The following PRKCB variants were observed in gnomAD, a reference collection of about 807,000 sequenced individuals.
The protein encoded by PRKCB is protein kinase C beta, also known as protein kinase C beta type.
In PRKCB, 13 loss-of-function variants were observed where a neutral mutation model predicts 81.5. That is an observed-to-expected ratio of 0.16 (90% CI 0.10 to 0.25). PRKCB has a LOEUF of 0.25. Ranked by LOEUF, PRKCB falls within the 10% of genes least tolerant of loss-of-function variation. PRKCB has a pLI of 1.00. For missense variants in PRKCB, 509 were observed against 875.7 expected (o/e 0.58, Z 5.29); for synonymous variants, 335 against 321.4 (o/e 1.04, Z -0.45).
At chr16:23,956,613 G>T (rs1964352470) in intron 2 of PRKCB, among the ~76,000 whole-genome samples, 1 of 152,156 alleles carries the variant, frequency 6.6e-6, no homozygotes, top group African/African-American at 2.4e-5. Flanking sequence ...AGTTGTAATA[G>T]ATATTGCTAA....
At chr16:23,965,053 C>T (rs962840633) in intron 2 of PRKCB, among the ~76,000 whole-genome samples, 6 of 152,164 alleles carry the variant, frequency 3.9e-5, no homozygotes, top group Non-Finnish European at 8.8e-5. Flanking sequence ...AGGTTTGTTA[C>T]ATGGGTAAAT....
In PRKCB at chr16:24,074,008, G is replaced by A. The variant is rs151065995; in HGVS notation, c.530-18783G>A. 4.6e-3 allele frequency among the ~76,000 whole-genome samples: 705 copies of A among 152,186 alleles called. 4 individuals are homozygous for A. The highest frequency in any genetic ancestry group is 0.016 in the African/African-American group (678 of 41,508). On this transcript the variant is annotated intron_variant, in intron 5 of 16. Coordinates refer to ENST00000643927, the MANE Select transcript of PRKCB (RefSeq NM_002738.7). ...TAGCCGGGCGTGGTTGGTGGCGGGCGCCTGTAGTACCAGCTGCTGGGGAGG... is the reference window on the plus strand; with the variant it reads ...TAGCCGGGCGTGGTTGGTGGCGGGCACCTGTAGTACCAGCTGCTGGGGAGG...
intron 5 of PRKCB, among the ~76,000 whole-genome samples, chr16:24,078,526 T>C (rs114930770): frequency 0.011 from 1,670 of 152,256 alleles, 24 homozygotes; most frequent in African/African-American, 0.038. Context: ...CAGATGTTTA[T>C]GGGGGGCAGG....
At chr16:23,996,815 G>A (rs1170385052) in intron 3 of PRKCB, among the ~76,000 whole-genome samples, 1 of 152,148 alleles carries the variant, frequency 6.6e-6, no homozygotes, top group Non-Finnish European at 1.5e-5. Context: ...ATGGCCTTTT[G>A]AAGAGTCAGT....
intron 3 of PRKCB, among the ~76,000 whole-genome samples, chr16:24,002,473 C>G (rs749519405): frequency 6.6e-6 from 1 of 151,632 alleles, no homozygotes; most frequent in Non-Finnish European, 1.5e-5. Context: ...CTGAGTAGCT[C>G]GGATTATAGG....
chr16:24,151,411 A>G (rs1321573162), intron 9 of PRKCB, among the ~76,000 whole-genome samples: 2 of 152,266 alleles, frequency 1.3e-5, no homozygotes, highest in African/African-American at 2.4e-5. Context: ...TTAAGTTGAA[A>G]TGTGACTAGA....
rs377143661 is a variant in PRKCB at position 24,032,186 on chromosome 16, G to A, written c.339G>A (p.Thr113=). The A allele has an allele frequency of 1.5e-5, 24 of 1,613,898 alleles. No homozygotes were observed. Among genetic ancestry groups the A allele is most frequent in the South Asian group, 5.5e-5 (5 of 91,048 alleles). The change falls in exon 4 of 17, where the codon ACG becomes ACA. Residue 113 remains threonine, a synonymous_variant. Coordinates refer to ENST00000643927, the MANE Select transcript of PRKCB (RefSeq NM_002738.7). ...AGATCCACACGTACTCCAGCCCCAC[G>A]TTTTGTGACCACTGTGGGTCACTGC... ...KFKIHTYSSP[T]FCDHCGSLLY... is the part of the protein sequence containing the mutation.
intron 2 of PRKCB, among the ~76,000 whole-genome samples, chr16:23,933,671 T>TCCAA (rs1442211937): frequency 6.8e-6 from 1 of 147,452 alleles, no homozygotes; most frequent in East Asian, 2.1e-4. Flanking sequence ...CATCCATCCA[T>TCCAA]CCATCATCTT....
chr16:24,036,203 GGA>G (rs1491501907), intron 5 of PRKCB, among the ~76,000 whole-genome samples: 2 of 149,328 alleles, frequency 1.3e-5, no homozygotes, highest in Non-Finnish European at 3.0e-5. Flanking sequence ...AGTGAGAGGA[GGA>G]GCTGCTGGTG....
At chr16:23,999,064 G>C (rs1160510960) in intron 3 of PRKCB, among the ~76,000 whole-genome samples, 1 of 152,242 alleles carries the variant, frequency 6.6e-6, no homozygotes, top group Non-Finnish European at 1.5e-5. Context: ...CCAGACACCT[G>C]AACTGGCTTG....
intron 2 of PRKCB, among the ~76,000 whole-genome samples, chr16:23,952,663 A>G (rs2141780510): frequency 6.6e-6 from 1 of 152,302 alleles, no homozygotes; most frequent in South Asian, 2.1e-4. Flanking sequence ...CCTGTTGCTG[A>G]AGGCACTTCT....
Position 24,157,513 on chromosome 16 carries a change from T to C in PRKCB, c.1239+2656T>C, listed in dbSNP as rs1179486258. Among the ~76,000 whole-genome samples, 2 of 151,668 alleles carry C rather than the reference T, an allele frequency of 1.3e-5. 1 individual carries two copies. The highest frequency in any genetic ancestry group is 1.3e-4 in the Admixed American group (2 of 15,206). On this transcript the variant is annotated intron_variant, in intron 10 of 16. Coordinates refer to ENST00000643927, the MANE Select transcript of PRKCB (RefSeq NM_002738.7). ...GACACGTGTGCTTCCCTTTCTGCCA[T>C]GATTGTAAGTTTCCTGAGGCCTCTC...
chr16:24,123,738 A>G (rs1335172178), intron 8 of PRKCB, 97 bp from the exon 9 acceptor site: 2 of 1,306,284 alleles, frequency 1.5e-6, no homozygotes, highest in Non-Finnish European at 2.1e-6. Flanking sequence ...AGGGTGCCGG[A>G]GCTGCAGGAA....
At chr16:24,112,575 T>C (rs910284731) in intron 7 of PRKCB, among the ~76,000 whole-genome samples, 4 of 151,038 alleles carry the variant, frequency 2.6e-5, no homozygotes, top group Non-Finnish European at 5.9e-5. Context: ...CAACAAGAAA[T>C]TTACGATGAG....
intron 2 of PRKCB, among the ~76,000 whole-genome samples, chr16:23,932,331 CT>C (rs1320482307): frequency 6.6e-6 from 1 of 152,070 alleles, no homozygotes; most frequent in Non-Finnish European, 1.5e-5. Flanking sequence ...ATTGTGGTTG[CT>C]TTTTTGTTGT....
In PRKCB at chr16:24,215,811, A is replaced by G. The variant is rs909789711; in HGVS notation, c.*995A>G. On this transcript the variant is annotated 3_prime_UTR_variant, in exon 17 of 17. Transcript: ENST00000643927. ...TGGGAATGGGATTTGTTACAAATCT[A>G]GGTTTGTTACTGGCTTCAGAAAGCT... 1.0e-6 allele frequency: 1 copy of G among 985,778 alleles called. No individual in the cohort carries two copies. Among genetic ancestry groups the G allele is most frequent in the Non-Finnish European group, 1.2e-6 (1 of 829,918 alleles). 61.1% of individuals were successfully genotyped at this position (985,778 alleles called of 1,614,324 possible). A position where few individuals can be genotyped will look rare whatever the true frequency, so the allele number is the denominator to read the frequency against.
intron 2 of PRKCB, among the ~76,000 whole-genome samples, chr16:23,948,630 C>T (rs1418154225): frequency 6.6e-6 from 1 of 152,158 alleles, no homozygotes; most frequent in African/African-American, 2.4e-5. Flanking sequence ...TGGTCTCAAA[C>T]TCCTGACCTC....
intron 2 of PRKCB, among the ~76,000 whole-genome samples, chr16:23,885,336 T>C (rs531758846): frequency 6.6e-6 from 1 of 152,056 alleles, no homozygotes; most frequent in Non-Finnish European, 1.5e-5. Context: ...TGAGACGGAG[T>C]CTTGCTCTGT....
At chr16:24,198,922 C>T (rs112470307) in intron 16 of PRKCB, among the ~76,000 whole-genome samples, 4 of 152,268 alleles carry the variant, frequency 2.6e-5, no homozygotes, top group African/African-American at 9.6e-5. Flanking sequence ...CTACAATGCT[C>T]ATTCCCTCCT....
Sources: allele counts gnomAD v4.1 joint callset (sites outside exome capture counted in the v4.1 genomes callset), GRCh38; gene constraint gnomAD v4.1.1; transcripts MANE v1.5; gene names NCBI Gene and HGNC (gene_info 2026-07-23, HGNC 2026-07-21).